FZR1: variants seen among roughly 807,000 people sequenced by gnomAD.
FZR1 encodes the protein fizzy and cell division cycle 20 related 1.
Under a neutral mutation model 63.6 loss-of-function variants are expected in FZR1, and 11 were observed. The observed-to-expected ratio is 0.17, with a 90% CI of 0.11 to 0.29. FZR1 has a LOEUF of 0.29. FZR1 is among the 10% of genes least tolerant of loss of function. FZR1 has a pLI of 1.00. For missense variants in FZR1, 440 were observed against 687.5 expected (o/e 0.64, Z 4.03); for synonymous variants, 328 against 297.9 (o/e 1.10, Z -1.04).
rs2029932082 is a variant in FZR1, at chr19:3,535,834, G to A, written c.*998G>A. On this transcript the variant is annotated 3_prime_UTR_variant, in exon 14 of 14. Coordinates refer to ENST00000441788, the MANE Select transcript of FZR1 (RefSeq NM_016263.4). ...CTGTCCACCAGCGCCAACAGCCGTGGGGAAGCCAAGGAGACCCAAGGGGTC... is the reference window on the plus strand; with the variant it reads ...CTGTCCACCAGCGCCAACAGCCGTGAGGAAGCCAAGGAGACCCAAGGGGTC... The A allele has an allele frequency of 6.6e-6, 1 of 152,366 alleles. No homozygotes were observed. The highest frequency in any genetic ancestry group is 2.4e-5 in the African/African-American group (1 of 41,462). The allele number at this position is 152,366 out of a possible 1,614,324, so 9.4% of individuals were successfully genotyped here.
rs2083160787 is a variant in FZR1 at position 3,526,612 on chromosome 19, C to G, written c.387+226C>G. ...TGTGGGGGTGCGGGAGGAATCCAGG[C>G]TCAGCCTGTTGGGCTTTTTCTCCCC... On this transcript the variant is annotated intron_variant, in intron 5 of 13. Transcript: ENST00000441788. The surrounding 1 kb of genome is among the most constrained non-coding windows in gnomAD (Gnocchi z 5.4). 6.6e-6 allele frequency among the ~76,000 whole-genome samples: 1 copy of G among 152,220 alleles called. No individual in the cohort carries two copies. Among genetic ancestry groups the G allele is most frequent in the Non-Finnish European group, 1.5e-5 (1 of 68,026 alleles).
At chr19:3,527,861 C>T (rs777943487) in intron 7 of FZR1, 47 bp downstream of exon 7, 5 of 1,448,766 alleles carry the variant, frequency 3.5e-6, no homozygotes, top group Non-Finnish European at 4.8e-6. Flanking sequence ...CTCCCCAGCT[C>T]CCAGCAGACC....
intron 1 of FZR1, among the ~76,000 whole-genome samples, chr19:3,520,498 C>T (rs769941972): frequency 2.0e-5 from 3 of 152,194 alleles, no homozygotes; most frequent in Admixed American, 1.3e-4. Flanking sequence ...TCTGCACAGG[C>T]GGTGGGCGCT....
intron 1 of FZR1, among the ~76,000 whole-genome samples, chr19:3,520,135 G>T (rs1157548075): frequency 1.3e-5 from 2 of 152,232 alleles, no homozygotes; most frequent in African/African-American, 4.8e-5. Context: ...AGATGCTTAG[G>T]CCTCTCCTCG....
rs1271963344 is a variant in FZR1, at chr19:3,515,295, A to C, written c.-34-7661A>C. On this transcript the variant is annotated intron_variant, in intron 1 of 13. Transcript: ENST00000441788. This position sits in a 1 kb window ranked among gnomAD's most constrained non-coding sequence, Gnocchi z 4.6. ...CACACGTTGTCTGTGCTCAGGAATT[A>C]CTTAACAGCAGCTTAAGATCCTGAT... Among the ~76,000 whole-genome samples, 1 of 152,198 alleles carries C rather than the reference A, an allele frequency of 6.6e-6. No homozygotes were observed. The highest frequency in any genetic ancestry group is 1.5e-5 in the Non-Finnish European group (1 of 68,032).
rs1479369006 is a variant in FZR1, at chr19:3,527,748, G to A, written c.588G>A (p.Ser196=). ...DDFYLNLVDW[S]SLNVLSVGLG... is the part of the protein sequence containing the mutation. ...TCTACCTCAATCTGGTGGACTGGTC[G>A]TCCCTCAATGTGCTCAGCGTGGGGC... Residue 196 remains serine (S), a synonymous_variant, in exon 7 of 14, where the codon TCG becomes TCA. Transcript: ENST00000441788. The A allele has an allele frequency of 1.6e-5, 26 of 1,612,680 alleles. No homozygotes were observed. Among genetic ancestry groups the A allele is most frequent in the South Asian group, 2.2e-5 (2 of 91,094 alleles).
rs1407650666 is a variant in FZR1, at chr19:3,525,667, C to A, written c.70-201C>A. On this transcript the variant is annotated intron_variant, in intron 2 of 13. Transcript: ENST00000441788. The surrounding 1 kb of genome is among the most constrained non-coding windows in gnomAD (Gnocchi z 4.2). Reference sequence around the variant, plus strand: ...CAGTGTTAGCCAGGATGGTCTTGATCTCCTGACCTCGTGATCCGCCCGCCT... The same window carrying A: ...CAGTGTTAGCCAGGATGGTCTTGATATCCTGACCTCGTGATCCGCCCGCCT... Among the ~76,000 whole-genome samples, 1 of 152,090 alleles carries A rather than the reference C, an allele frequency of 6.6e-6. No homozygotes were observed. The highest frequency in any genetic ancestry group is 2.4e-5 in the African/African-American group (1 of 41,424).
In FZR1 at chr19:3,525,296, C is replaced by T. The variant is rs1379496118; in HGVS notation, c.70-572C>T. The stretch of plus-strand genomic sequence containing the variant: ...CTCCACCCCGTCCCGTGGCCCTGCC[C>T]TCACCACCCTCCTGCCTGGCAGCGT... On this transcript the variant is annotated intron_variant, in intron 2 of 13. Transcript: ENST00000441788. This position sits in a 1 kb window ranked among gnomAD's most constrained non-coding sequence, Gnocchi z 4.2. Among the ~76,000 whole-genome samples the T allele has an allele frequency of 6.6e-6, 1 of 152,152 alleles. No homozygotes were observed. Among genetic ancestry groups the T allele is most frequent in the Non-Finnish European group, 1.5e-5 (1 of 68,026 alleles).
At position 3,532,441 on chromosome 19, in the gene FZR1, C is replaced by G; in HGVS notation, c.1033C>G (p.Leu345Val). 1.9e-6 allele frequency: 3 copies of G among 1,595,138 alleles called. No homozygotes were observed. Among genetic ancestry groups the G allele is most frequent in the Non-Finnish European group, 2.6e-6 (3 of 1,169,248 alleles). Residue 345 changes from leucine to valine, a missense_variant, in exon 11 of 14, where the codon CTG becomes GTG. Physicochemically the swap from Leu to Val is conservative, Grantham distance 32. Around this residue, in one of 5 missense-constraint regions of FZR1, gnomAD observed 208 missense variants for 363.6 expected, o/e 0.57. Coordinates refer to ENST00000441788, the MANE Select transcript of FZR1 (RefSeq NM_016263.4). The part of the protein sequence containing the change: ...NKLLVWNHSS[L>V]SPVQQYTEHL... The stretch of plus-strand genomic sequence containing the variant: ...GCTGCTGGTCTGGAATCACTCGAGC[C>G]TGAGCCCCGTGCAGCAGTACACGGA...
chr19:3,519,160 G>A (rs928100967), intron 1 of FZR1, among the ~76,000 whole-genome samples: 3 of 152,228 alleles, frequency 2.0e-5, no homozygotes, highest in Non-Finnish European at 2.9e-5. Flanking sequence ...CTCCAGGACC[G>A]TGGGGAGCAT....
chr19:3,523,075 T>G lies in FZR1; in HGVS notation c.69+17T>G. The G allele has an allele frequency of 6.7e-7, 1 of 1,484,312 alleles. No homozygotes were observed. Among genetic ancestry groups the G allele is most frequent in the Non-Finnish European group, 9.4e-7 (1 of 1,063,040 alleles). The allele number at this position is 1,484,312 out of a possible 1,614,324, so 91.9% of individuals were successfully genotyped here. A position where few individuals can be genotyped will look rare whatever the true frequency, so the allele number is the denominator to read the frequency against. ...ATGCCACGCGTGAGTGCCCCCGCCCTGCCCACCACTGTGGCTCCCCCTCCC... is the reference window on the plus strand; with the variant it reads ...ATGCCACGCGTGAGTGCCCCCGCCCGGCCCACCACTGTGGCTCCCCCTCCC... On this transcript the variant is annotated intron_variant, in intron 2 of 13. Transcript: ENST00000441788.
intron 8 of FZR1, 21 bp from the exon 9 acceptor site, chr19:3,531,693 T>C: frequency 1.3e-6 from 2 of 1,519,708 alleles, no homozygotes; most frequent in Non-Finnish European, 1.8e-6. Flanking sequence ...ACCGGTGCTC[T>C]GCCCATGCCT....
intron 7 of FZR1, among the ~76,000 whole-genome samples, chr19:3,530,341 TGGTTGAGCAGAA>T: frequency 8.5e-5 from 10 of 117,808 alleles, no homozygotes; most frequent in Admixed American, 1.7e-4. Context: ...AGGGAGTGGA[TGGTTGAGCAGAA>T]GGGAGAGCGG....
At chr19:3,522,809 G>A (rs1366198580) in intron 1 of FZR1, 147 bp from the exon 2 acceptor site, 2 of 621,306 alleles carry the variant, frequency 3.2e-6, no homozygotes, top group Admixed American at 5.3e-5. Context: ...CCTAGGATGA[G>A]GCTAGGGCTG....
rs924016694 is a variant in FZR1, at chr19:3,514,257, A to T, written c.-35+7783A>T. 6.6e-6 allele frequency among the ~76,000 whole-genome samples: 1 copy of T among 152,006 alleles called. No homozygotes were observed. The highest frequency in any genetic ancestry group is 2.4e-5 in the African/African-American group (1 of 41,384). On this transcript the variant is annotated intron_variant, in intron 1 of 13. Coordinates refer to ENST00000441788, the MANE Select transcript of FZR1 (RefSeq NM_016263.4). This position sits in a 1 kb window ranked among gnomAD's most constrained non-coding sequence, Gnocchi z 4.2. ...ATCGGCTCCCTTTCCTCCTCTCCCC[A>T]CTGGTGCAGTGGGGATGGGGCTGGG... is the stretch of plus-strand genomic sequence containing the variant.
chr19:3,525,835 G>T lies in FZR1; in HGVS notation c.70-33G>T, dbSNP rs2083151167. 6.2e-7 allele frequency: 1 copy of T among 1,603,156 alleles called. No homozygotes were observed. On this transcript the variant is annotated intron_variant, in intron 2 of 13. Transcript: ENST00000441788. This position sits in a 1 kb window ranked among gnomAD's most constrained non-coding sequence, Gnocchi z 4.2. Reference sequence around the variant, plus strand: ...GGGGCACTCTCGGGGGGCTCTCGGTGCTGAGAGCAAGCCCTCTGCTGATGC... The same window carrying T: ...GGGGCACTCTCGGGGGGCTCTCGGTTCTGAGAGCAAGCCCTCTGCTGATGC...
chr19:3,518,112 T>A (rs2083072502), intron 1 of FZR1, among the ~76,000 whole-genome samples: 1 of 151,650 alleles, frequency 6.6e-6, no homozygotes, highest in Non-Finnish European at 1.5e-5. Flanking sequence ...CCTTCCAGGT[T>A]CAAGTGATTC....
At chr19:3,520,913 G>A (rs1225284084) in intron 1 of FZR1, among the ~76,000 whole-genome samples, 1 of 152,214 alleles carries the variant, frequency 6.6e-6, no homozygotes, top group Non-Finnish European at 1.5e-5. Flanking sequence ...AAAGGCAGGT[G>A]TCGCCTCGGC....
intron 1 of FZR1, among the ~76,000 whole-genome samples, chr19:3,509,632 G>T (rs1363487753): frequency 6.6e-6 from 1 of 152,124 alleles, no homozygotes; most frequent in Non-Finnish European, 1.5e-5. Context: ...CCCATCAGCC[G>T]CCACCACCTG....
Sources: allele counts gnomAD v4.1 joint callset (sites outside exome capture counted in the v4.1 genomes callset), GRCh38; gene constraint gnomAD v4.1.1; regional missense constraint gnomAD v4.1.1; non-coding constraint Gnocchi (gnomAD v3.1); transcripts MANE v1.5; gene names NCBI Gene and HGNC (gene_info 2026-07-23, HGNC 2026-07-21).